LRRTM3: variants seen among roughly 807,000 people sequenced by gnomAD.
LRRTM3 encodes leucine rich repeat transmembrane neuronal 3, also known as leucine-rich repeat transmembrane neuronal protein 3.
In LRRTM3, 24 loss-of-function variants were observed where a neutral mutation model predicts 44.7. The observed-to-expected ratio is 0.54, with a 90% confidence interval of 0.39 to 0.76. The LOEUF (loss-of-function observed/expected upper bound fraction) is 0.76. Ranked by LOEUF, LRRTM3 falls within the 30% of genes least tolerant of loss-of-function variation. LRRTM3 has a pLI of 0.00. For synonymous variants in LRRTM3, 277 were observed against 278.7 expected (o/e 0.99, Z 0.06); for missense variants, 587 against 702.2 (o/e 0.84, Z 1.85).
At chr10:66,976,545 A>G (rs149000779) in intron 2 of LRRTM3, among the ~76,000 whole-genome samples, 8 of 152,288 alleles carry the variant, frequency 5.3e-5, no homozygotes, top group Non-Finnish European at 1.0e-4. Flanking sequence ...TATAACTGTA[A>G]TGACATCATC....
At chr10:66,938,989 C>T (rs1008275899) in intron 2 of LRRTM3, among the ~76,000 whole-genome samples, 5 of 152,112 alleles carry the variant, frequency 3.3e-5, no homozygotes, top group Non-Finnish European at 7.4e-5. Context: ...CTTATCTCAG[C>T]CCCAGTTCTG....
intron 2 of LRRTM3, among the ~76,000 whole-genome samples, chr10:67,085,387 C>T (rs750004850): frequency 3.4e-4 from 52 of 150,968 alleles, no homozygotes; most frequent in Non-Finnish European, 4.9e-4. Context: ...CTAGATGCAA[C>T]TGTGAAAAAA....
intron 2 of LRRTM3, among the ~76,000 whole-genome samples, chr10:67,072,768 A>G (rs972854771): frequency 6.6e-6 from 1 of 152,170 alleles, no homozygotes; most frequent in Non-Finnish European, 1.5e-5. Context: ...AACAGCTACA[A>G]AATTTGGTAA....
At chr10:66,996,399 AC>A (rs1851340315) in intron 2 of LRRTM3, among the ~76,000 whole-genome samples, 1 of 152,162 alleles carries the variant, frequency 6.6e-6, no homozygotes, top group African/African-American at 2.4e-5. Flanking sequence ...TAATCCTAGC[AC>A]TTTGGGAGGC....
rs1187248880 is a variant in LRRTM3 at position 66,927,980 on chromosome 10, T to C, written c.1064T>C (p.Val355Ala). 6.2e-7 allele frequency: 1 copy of C among 1,614,098 alleles called. No homozygotes were observed. Among genetic ancestry groups the C allele is most frequent in the African/African-American group, 1.3e-5 (1 of 74,938 alleles). ...CAAGGAGTAAATGTGATCGATGCAGTGAAGAACTACAGCATCTGTGGCAAA... is the reference window on the plus strand; with the variant it reads ...CAAGGAGTAAATGTGATCGATGCAGCGAAGAACTACAGCATCTGTGGCAAA... The part of the protein sequence containing the change: ...ELQGVNVIDA[V>A]KNYSICGKST... The change falls in exon 2 of 3, where the codon GTG becomes GCG. Residue 355 changes from valine to alanine, a missense_variant. Val to Ala is a moderately conservative substitution (Grantham distance 64, BLOSUM62 0). Coordinates refer to ENST00000361320, the MANE Select transcript of LRRTM3 (RefSeq NM_178011.5). This position sits in a 1 kb window ranked among gnomAD's most constrained non-coding sequence, Gnocchi z 4.7.
Position 66,926,443 on chromosome 10 carries a change from C to A in LRRTM3, c.-141C>A. ...CAAAGAATAATGTTCCAAAATCGGT[C>A]CATCTCCCAAGGGGTCCAATTTTTC... is the stretch of plus-strand genomic sequence containing the variant. On this transcript the variant is annotated 5_prime_UTR_variant, in exon 1 of 3. Coordinates refer to ENST00000361320, the MANE Select transcript of LRRTM3 (RefSeq NM_178011.5). The A allele has an allele frequency of 1.2e-6, 1 of 855,766 alleles. No individual in the cohort carries two copies. Among genetic ancestry groups the A allele is most frequent in the South Asian group, 1.5e-5 (1 of 66,066 alleles). 53.0% of individuals were successfully genotyped at this position (855,766 alleles called of 1,614,324 possible).
chr10:67,014,878 T>C (rs1427563725), intron 2 of LRRTM3, among the ~76,000 whole-genome samples: 1 of 152,108 alleles, frequency 6.6e-6, no homozygotes, highest in East Asian at 1.9e-4. Context: ...ACATAAGCCT[T>C]AATTTTGAAA....
At chr10:66,982,342 C>T (rs1850488760) in intron 2 of LRRTM3, among the ~76,000 whole-genome samples, 1 of 152,126 alleles carries the variant, frequency 6.6e-6, no homozygotes, top group South Asian at 2.1e-4. Flanking sequence ...GTTTCAAATA[C>T]CAGCCTTGCC....
intron 2 of LRRTM3, among the ~76,000 whole-genome samples, chr10:67,026,519 C>T (rs1285751005): frequency 6.6e-6 from 1 of 151,994 alleles, no homozygotes; most frequent in Non-Finnish European, 1.5e-5. Context: ...TTTAAATCTT[C>T]ATAAAGCTAA....
At chr10:66,933,228 C>A (rs960935758) in intron 2 of LRRTM3, among the ~76,000 whole-genome samples, 1 of 152,200 alleles carries the variant, frequency 6.6e-6, no homozygotes, top group Non-Finnish European at 1.5e-5. Flanking sequence ...TCTAGAACAT[C>A]GTCTTTGACT....
At chr10:66,939,629 G>T (rs1488132588) in intron 2 of LRRTM3, among the ~76,000 whole-genome samples, 1 of 152,070 alleles carries the variant, frequency 6.6e-6, no homozygotes, top group Non-Finnish European at 1.5e-5. Context: ...CAATTTGTAA[G>T]GTAGGGCAGA....
rs1858265761 is a variant in LRRTM3, at chr10:67,100,295, A to G, written c.*2499A>G. Among the ~76,000 whole-genome samples, 1 of 151,792 alleles carries G rather than the reference A, an allele frequency of 6.6e-6. No individual in the cohort carries two copies. Among genetic ancestry groups the G allele is most frequent in the African/African-American group, 2.4e-5 (1 of 41,400 alleles). Reference sequence around the variant, plus strand: ...CTCTGTGCAACCAAGGCCCTAAGCTACACCAAATACGCCAGGAATTTTGAG... The same window carrying G: ...CTCTGTGCAACCAAGGCCCTAAGCTGCACCAAATACGCCAGGAATTTTGAG... On this transcript the variant is annotated 3_prime_UTR_variant, in exon 3 of 3. Transcript: ENST00000361320.
intron 2 of LRRTM3, among the ~76,000 whole-genome samples, chr10:67,008,450 T>C (rs901708999): frequency 2.6e-5 from 4 of 152,202 alleles, no homozygotes; most frequent in Non-Finnish European, 5.9e-5. Flanking sequence ...TGAAATTCAC[T>C]ACAGCTTTTT....
intron 2 of LRRTM3, among the ~76,000 whole-genome samples, chr10:67,034,537 AC>A (rs1213193187): frequency 6.6e-6 from 1 of 152,000 alleles, no homozygotes; most frequent in African/African-American, 2.4e-5. Context: ...TCAATCTCCT[AC>A]CCTCCATTAA....
At chr10:67,078,495 A>G (rs1856853929) in intron 2 of LRRTM3, among the ~76,000 whole-genome samples, 2 of 151,464 alleles carry the variant, frequency 1.3e-5, no homozygotes, top group Admixed American at 1.3e-4. Flanking sequence ...TATGATTTAT[A>G]AATTTTTTTC....
chr10:67,086,438 T>A (rs1217724523), intron 2 of LRRTM3, among the ~76,000 whole-genome samples: 1 of 151,958 alleles, frequency 6.6e-6, no homozygotes, highest in Admixed American at 6.6e-5. Flanking sequence ...TGCTTATCAG[T>A]AAGTAATCAT....
chr10:67,022,355 G>A (rs1186473838), intron 2 of LRRTM3, among the ~76,000 whole-genome samples: 1 of 152,150 alleles, frequency 6.6e-6, no homozygotes, highest in Non-Finnish European at 1.5e-5. Flanking sequence ...GTGTCTGTGT[G>A]TGTGTGTTCT....
intron 2 of LRRTM3, among the ~76,000 whole-genome samples, chr10:67,096,630 G>A (rs540535552): frequency 6.6e-6 from 1 of 151,960 alleles, no homozygotes; most frequent in African/African-American, 2.4e-5. Flanking sequence ...TATTGAAAAA[G>A]AAATGGGAAC....
intron 2 of LRRTM3, among the ~76,000 whole-genome samples, chr10:67,048,006 C>T (rs1854856376): frequency 6.6e-6 from 1 of 151,988 alleles, no homozygotes; most frequent in Non-Finnish European, 1.5e-5. Flanking sequence ...AAGAACAGTA[C>T]CATGTGTTCT....
Sources: gnomAD v4.1 joint callset for allele counts (sites outside exome capture counted in the v4.1 genomes callset) on GRCh38, gnomAD v4.1.1 for gene constraint, Gnocchi (gnomAD v3.1) non-coding constraint, MANE v1.5 for transcripts, NCBI Gene and HGNC (gene_info 2026-07-23, HGNC 2026-07-21) for gene names.